ACTR3C: variants seen among roughly 807,000 people sequenced by gnomAD.
ACTR3C encodes actin-related protein 3C.
ACTR3C carries 18 observed loss-of-function variants against 26.3 expected under a neutral mutation model. The observed-to-expected ratio is 0.68, with a 90% confidence interval of 0.47 to 1.01. The LOEUF is 1.01. ACTR3C is among the 50% of genes least tolerant of loss of function. ACTR3C has a pLI of 0.00. For missense variants in ACTR3C, 184 were observed against 250.7 expected, an observed-to-expected ratio of 0.73 and a Z score of 1.80; for synonymous variants, 55 against 94.5, an observed-to-expected ratio of 0.58 and a Z score of 2.42.
the ACTR3C span, among the ~76,000 whole-genome samples, chr7:150,126,415 C>T: frequency 6.6e-6 from 1 of 152,154 alleles, no homozygotes; most frequent in Non-Finnish European, 1.5e-5. Context: ...TAAATAAGTA[C>T]ATTTAAAATA....
chr7:150,154,104 A>G, the ACTR3C span, among the ~76,000 whole-genome samples: 2 of 146,110 alleles, frequency 1.4e-5, no homozygotes, highest in East Asian at 4.3e-4. Flanking sequence ...GGATAGCTTT[A>G]GGACATATAC....
the ACTR3C span, among the ~76,000 whole-genome samples, chr7:150,185,639 A>T: frequency 2.2e-4 from 33 of 151,720 alleles, no homozygotes; most frequent in Admixed American, 1.9e-3. Flanking sequence ...TCATCAATAT[A>T]AAGGGTGACT....
chr7:150,158,891 C>A, the ACTR3C span, among the ~76,000 whole-genome samples: 10 of 149,112 alleles, frequency 6.7e-5, no homozygotes, highest in Admixed American at 6.0e-4. Flanking sequence ...CACAGACGCA[C>A]AAGGCACACA....
intron 1 of ACTR3C, among the ~76,000 whole-genome samples, chr7:150,299,487 A>AAC (rs1563196663): frequency 2.1e-5 from 3 of 143,622 alleles, no homozygotes; most frequent in African/African-American, 5.5e-5. Context: ...AAAAAAAAAA[A>AAC]AAAAAAACAA....
the ACTR3C span, among the ~76,000 whole-genome samples, chr7:150,036,896 C>CT: frequency 8.4e-6 from 1 of 119,488 alleles, no homozygotes; most frequent in Non-Finnish European, 1.9e-5. Flanking sequence ...TCAGTCCCCG[C>CT]CTCGCGGGGA....
the ACTR3C span, among the ~76,000 whole-genome samples, chr7:149,929,935 C>G: frequency 6.3e-3 from 955 of 152,274 alleles, 8 homozygotes; most frequent in South Asian, 0.04. Flanking sequence ...AAGAGTGAGG[C>G]GCGTCCCTAT....
chr7:150,152,140 C>T, the ACTR3C span, among the ~76,000 whole-genome samples: 137 of 152,230 alleles, frequency 9.0e-4, 1 homozygote, highest in Non-Finnish European at 1.6e-3. Context: ...TTTCCTTCTC[C>T]TGCCTAACTG....
chr7:150,320,924 T>C (rs915182145), intron 1 of ACTR3C, among the ~76,000 whole-genome samples: 3 of 152,238 alleles, frequency 2.0e-5, no homozygotes, highest in Non-Finnish European at 4.4e-5. Context: ...AGGACACCTC[T>C]GACAATACAA....
the ACTR3C span, among the ~76,000 whole-genome samples, chr7:150,188,045 G>GAT: frequency 6.7e-6 from 1 of 150,136 alleles, no homozygotes. Context: ...GACACCACAA[G>GAT]ATACTTCATG....
At chr7:150,033,488 A>T in the ACTR3C span, among the ~76,000 whole-genome samples, 1 of 152,132 alleles carries the variant, frequency 6.6e-6, no homozygotes, top group Admixed American at 6.5e-5. Flanking sequence ...CTTCTAGGAC[A>T]CCTAATATCC....
In ACTR3C at chr7:150,289,506, C is replaced by T. The variant is rs1342733206; in HGVS notation, c.241G>A (p.Glu81Lys). ...ITYFIQQLLR[E>K]REVGIPPEQS... ...TCAGGAGGGATTCCCACCTCCCTCT[C>T]CCTTAGCAGCTGTTGAATGAAATAC... Residue 81 changes from glutamate to lysine, a missense_variant, in exon 4 of 8, where the codon GAG becomes AAG. By Grantham distance (56) the Glu-to-Lys change is moderately conservative. Coordinates refer to ENST00000683684, the MANE Select transcript of ACTR3C (RefSeq NM_001164458.2). 1.9e-6 allele frequency: 3 copies of T among 1,597,714 alleles called. No individual in the cohort carries two copies. Among genetic ancestry groups the T allele is most frequent in the Non-Finnish European group, 2.6e-6 (3 of 1,172,114 alleles).
the ACTR3C span, among the ~76,000 whole-genome samples, chr7:149,972,415 GT>G: frequency 6.6e-6 from 1 of 152,308 alleles, no homozygotes; most frequent in Middle Eastern, 3.4e-3. Flanking sequence ...CTAACTCCCT[GT>G]CCACGTTCCC....
the ACTR3C span, among the ~76,000 whole-genome samples, chr7:150,048,681 G>A: frequency 6.6e-6 from 1 of 151,968 alleles, no homozygotes; most frequent in Admixed American, 6.5e-5. Context: ...CGGGCTCCCC[G>A]CGCCCCCAGC....
the ACTR3C span, among the ~76,000 whole-genome samples, chr7:150,009,337 G>A: frequency 7.9e-5 from 12 of 151,260 alleles, no homozygotes; most frequent in Non-Finnish European, 1.6e-4. Context: ...AAGACAAGAG[G>A]CACAAGAACC....
At chr7:149,944,595 T>G in the ACTR3C span, among the ~76,000 whole-genome samples, 1 of 150,156 alleles carries the variant, frequency 6.7e-6, no homozygotes, top group Non-Finnish European at 1.5e-5. Flanking sequence ...TTAGATTAGC[T>G]GCTGGTCGCA....
chr7:150,180,511 C>CTTTTTTTTTTTTTT, the ACTR3C span, among the ~76,000 whole-genome samples: 26 of 125,702 alleles, frequency 2.1e-4, no homozygotes, highest in African/African-American at 4.1e-4. Context: ...AGTAGTATAT[C>CTTTTTTTTTTTTTT]TTTTTTTTTT....
the ACTR3C span, among the ~76,000 whole-genome samples, chr7:150,214,206 T>G: frequency 1.3e-5 from 2 of 152,174 alleles, no homozygotes; most frequent in African/African-American, 4.8e-5. Context: ...CATTTTAAAC[T>G]GTGGTCCAAT....
chr7:150,039,820 G>A, the ACTR3C span, among the ~76,000 whole-genome samples: 20 of 135,790 alleles, frequency 1.5e-4, no homozygotes, highest in South Asian at 1.4e-3. Flanking sequence ...CCTCGCGGGG[G>A]GTGCCTCCGC....
the ACTR3C span, among the ~76,000 whole-genome samples, chr7:150,164,282 G>A: frequency 2.6e-5 from 4 of 152,190 alleles, no homozygotes; most frequent in Admixed American, 6.5e-5. Flanking sequence ...TCAGAGGGTC[G>A]AGGAAGGAAG....
Sources: gnomAD v4.1 joint callset for allele counts (sites outside exome capture counted in the v4.1 genomes callset) on GRCh38, gnomAD v4.1.1 for gene constraint, MANE v1.5 for transcripts, NCBI Gene and HGNC (gene_info 2026-07-23, HGNC 2026-07-21) for gene names.